PSEN1: variants seen among roughly 807,000 people sequenced by gnomAD.
PSEN1 encodes the protein presenilin 1, also known as presenilin-1.
A neutral mutation model predicts 53.5 loss-of-function variants in PSEN1; 15 were observed. The ratio of observed to expected loss-of-function variants is 0.28; its 90% CI spans 0.19 to 0.43. The LOEUF (loss-of-function observed/expected upper bound fraction) is 0.43, where lower values mean the gene tolerates loss of function less well. Ranked by LOEUF, PSEN1 falls within the 20% of genes least tolerant of loss-of-function variation. The pLI is 1.00. For missense variants in PSEN1, 387 were observed against 571.2 expected (o/e 0.68, Z 3.29); for synonymous variants, 208 against 209.8 (o/e 0.99, Z 0.08).
chr14:73,179,390 G>GGA (rs2140056750), intron 5 of PSEN1, among the ~76,000 whole-genome samples: 1 of 152,326 alleles, frequency 6.6e-6, no homozygotes, highest in South Asian at 2.1e-4. Flanking sequence ...GCCAAGGCGG[G>GGA]CAGATTGCCT....
intron 5 of PSEN1, among the ~76,000 whole-genome samples, chr14:73,184,683 G>T (rs1419025289): frequency 4.1e-5 from 5 of 121,968 alleles, no homozygotes; most frequent in Admixed American, 2.5e-4. Context: ...AGCGGCTGGC[G>T]GGGCGGGGGG....
chr14:73,190,507 T>TA, intron 6 of PSEN1, among the ~76,000 whole-genome samples: 1 of 149,902 alleles, frequency 6.7e-6, no homozygotes, highest in Admixed American at 6.7e-5. Context: ...AAAAAAAAAT[T>TA]AAAATATGCT....
At chr14:73,165,398 G>A (rs1178772724) in intron 3 of PSEN1, among the ~76,000 whole-genome samples, 6 of 152,214 alleles carry the variant, frequency 3.9e-5, no homozygotes, top group Admixed American at 3.9e-4. Flanking sequence ...AGCCTCCTGA[G>A]TACCTGGGAC....
intron 5 of PSEN1, among the ~76,000 whole-genome samples, chr14:73,183,793 G>A (rs1340871186): frequency 2.6e-5 from 4 of 151,248 alleles, no homozygotes; most frequent in South Asian, 4.2e-4. Context: ...ATCCTGGCCC[G>A]TTCTCAATGA....
chr14:73,209,106 G>A (rs1261357825), intron 9 of PSEN1, among the ~76,000 whole-genome samples: 1 of 152,244 alleles, frequency 6.6e-6, no homozygotes, highest in Non-Finnish European at 1.5e-5. Flanking sequence ...GACGCAAGGG[G>A]CTTCCTGGAC....
At chr14:73,144,636 A>G (rs1305418920) in intron 1 of PSEN1, among the ~76,000 whole-genome samples, 1 of 152,212 alleles carries the variant, frequency 6.6e-6, no homozygotes, top group East Asian at 1.9e-4. Context: ...TCTGTGTGCC[A>G]CACTGTTTTC....
intron 6 of PSEN1, among the ~76,000 whole-genome samples, chr14:73,190,233 A>G (rs115164402): frequency 0.011 from 1,708 of 152,282 alleles, 31 homozygotes; most frequent in African/African-American, 0.039. Context: ...CACACTTGTA[A>G]TCTCACCTAT....
At chr14:73,215,532 G>A (rs1021816804) in intron 10 of PSEN1, among the ~76,000 whole-genome samples, 15 of 149,466 alleles carry the variant, frequency 1.0e-4, no homozygotes, top group Non-Finnish European at 4.4e-5. Flanking sequence ...TCAGTGAGCC[G>A]AGATCACTTA....
chr14:73,141,651 G>T (rs568227981), intron 1 of PSEN1, among the ~76,000 whole-genome samples: 3 of 152,132 alleles, frequency 2.0e-5, no homozygotes, highest in Non-Finnish European at 4.4e-5. Context: ...TGGGCATGGT[G>T]GTGGGCGTCT....
intron 9 of PSEN1, among the ~76,000 whole-genome samples, chr14:73,207,398 A>G (rs1262164055): frequency 1.3e-5 from 2 of 152,220 alleles, no homozygotes; most frequent in Non-Finnish European, 2.9e-5. Flanking sequence ...TTTATGAGGA[A>G]TCTGAAAAAC....
intron 3 of PSEN1, among the ~76,000 whole-genome samples, chr14:73,155,136 A>G (rs530593705): frequency 6.6e-6 from 1 of 152,244 alleles, no homozygotes; most frequent in Non-Finnish European, 1.5e-5. Context: ...AACAGTGAGA[A>G]TGTGGCAGTA....
In PSEN1 at chr14:73,212,088, CTTTTTTTTTTTTTTTTTTTTTTTTTTTT is replaced by C. The variant is rs398043836; in HGVS notation, c.1129+160_1129+187del. 5.2e-4 allele frequency: 37 copies of C among 70,574 alleles called. 1 individual carries two copies. The highest frequency in any genetic ancestry group is 3.2e-3 in the South Asian group (20 of 6,224). The allele number at this position is 70,574 out of a possible 1,614,324, so 4.4% of individuals were successfully genotyped here. On this transcript the variant is annotated intron_variant, in intron 10 of 11. Transcript: ENST00000324501. ...TTATTTGGATATATCAGTAATAGTGCTTTTTTTTTTTTTTTTTTTTTTTTTTTTTTTTTTTTTTTTTGAGACAGAGTCT... is the reference window on the plus strand; with the variant it reads ...TTATTTGGATATATCAGTAATAGTGCTTTTTTTTTTTTTGAGACAGAGTCT...
intron 5 of PSEN1, among the ~76,000 whole-genome samples, chr14:73,184,197 G>A (rs1595018700): frequency 1.3e-5 from 1 of 78,236 alleles, no homozygotes. Context: ...CTGGCCGGGC[G>A]GGGGGCTGAC....
At chr14:73,197,080 G>C (rs971759847) in intron 7 of PSEN1, among the ~76,000 whole-genome samples, 3 of 151,820 alleles carry the variant, frequency 2.0e-5, no homozygotes, top group Non-Finnish European at 2.9e-5. Flanking sequence ...CTACAGGCAC[G>C]CGCCACCACA....
intron 5 of PSEN1, among the ~76,000 whole-genome samples, chr14:73,183,652 G>A (rs1235891209): frequency 6.6e-6 from 1 of 151,768 alleles, no homozygotes; most frequent in Non-Finnish European, 1.5e-5. Context: ...GGCAGAAGAA[G>A]TTTTCTTAGT....
At position 73,213,069 on chromosome 14, in the gene PSEN1, G is replaced by C. The variant is rs150743438; in HGVS notation, c.1129+1127G>C. ...TTTAACTGAGTCAGAACTTTCACTG[G>C]GCATGTTCATGACTTTACTGCTTGG... On this transcript the variant is annotated intron_variant, in intron 10 of 11. Transcript: ENST00000324501. Among the ~76,000 whole-genome samples the C allele has an allele frequency of 2.8e-3, 426 of 152,068 alleles. 2 individuals carry two copies. The highest frequency in any genetic ancestry group is 4.3e-3 in the Non-Finnish European group (295 of 67,986).
intron 8 of PSEN1, among the ~76,000 whole-genome samples, chr14:73,200,977 G>A (rs1482280780): frequency 6.6e-6 from 1 of 152,134 alleles, no homozygotes; most frequent in African/African-American, 2.4e-5. Flanking sequence ...CTTGAACCCA[G>A]GAGGCGGAGG....
chr14:73,158,580 C>G (rs1186112887), intron 3 of PSEN1, among the ~76,000 whole-genome samples: 1 of 152,148 alleles, frequency 6.6e-6, no homozygotes, highest in East Asian at 1.9e-4. Flanking sequence ...CCTCGGCCCC[C>G]CAAAGTGTTG....
At chr14:73,171,144 T>C in intron 4 of PSEN1, 97 bp downstream of exon 4, 2 of 1,448,086 alleles carry the variant, frequency 1.4e-6, no homozygotes, top group South Asian at 2.4e-5. Context: ...TGAAGGGGCA[T>C]GACTTAGCTG....
Sources: gnomAD v4.1 joint callset for allele counts (sites outside exome capture counted in the v4.1 genomes callset) on GRCh38, gnomAD v4.1.1 for gene constraint, MANE v1.5 for transcripts, NCBI Gene and HGNC (gene_info 2026-07-23, HGNC 2026-07-21) for gene names.